The following AGBL4 variants were observed in gnomAD, a reference collection of about 807,000 sequenced individuals.
The protein encoded by AGBL4 is cytosolic carboxypeptidase 6.
AGBL4 carries 58 observed loss-of-function variants against 66.4 expected under a neutral mutation model. The observed-to-expected ratio is 0.87, with a 90% CI of 0.71 to 1.09. AGBL4 has a LOEUF of 1.09. AGBL4 is among the 50% of genes least tolerant of loss of function. The pLI is 0.00. For missense variants in AGBL4, 579 were observed against 631.0 expected, an observed-to-expected ratio of 0.92 and a Z score of 0.88; for synonymous variants, 234 against 222.9, an observed-to-expected ratio of 1.05 and a Z score of -0.44.
chr1:48,981,453 G>A lies in AGBL4; in HGVS notation c.594+64131C>T, dbSNP rs372332371. On this transcript the variant is annotated intron_variant, in intron 5 of 13. Transcript: ENST00000371839. ...TATGTAGAGGAAAAAAAATTGAGAA[G>A]CAAAAAAAGTATGTACCACATACAG... Among the ~76,000 whole-genome samples, 52 of 152,222 alleles carry A rather than the reference G, an allele frequency of 3.4e-4. No individual in the cohort carries two copies. The East Asian group carries it at 9.3e-3, about 27-fold the overall frequency.
At chr1:49,640,863 G>A (rs549606809) in intron 3 of AGBL4, among the ~76,000 whole-genome samples, 1 of 152,236 alleles carries the variant, frequency 6.6e-6, no homozygotes, top group African/African-American at 2.4e-5. Context: ...TATTTGTACA[G>A]TGATTTAGAT....
intron 3 of AGBL4, among the ~76,000 whole-genome samples, chr1:49,670,371 T>C (rs536801179): frequency 6.6e-6 from 1 of 152,300 alleles, no homozygotes; most frequent in South Asian, 2.1e-4. Flanking sequence ...CAATAGCCCA[T>C]GATTCTGTAA....
At chr1:49,701,337 G>C (rs1571357670) in intron 2 of AGBL4, among the ~76,000 whole-genome samples, 1 of 151,990 alleles carries the variant, frequency 6.6e-6, no homozygotes, top group East Asian at 1.9e-4. Context: ...TGCTAAGAGA[G>C]TAGATCTTAT....
intron 3 of AGBL4, among the ~76,000 whole-genome samples, chr1:49,694,069 T>A (rs1646937885): frequency 6.6e-6 from 1 of 152,186 alleles, no homozygotes; most frequent in Admixed American, 6.5e-5. Context: ...AAGCTAGACC[T>A]GTTTATACAA....
chr1:48,910,642 G>A (rs1449159690), intron 5 of AGBL4, among the ~76,000 whole-genome samples: 1 of 147,310 alleles, frequency 6.8e-6, no homozygotes, highest in African/African-American at 2.7e-5. Context: ...TGACAGTTCT[G>A]ACAGGCTTTT....
intron 3 of AGBL4, among the ~76,000 whole-genome samples, chr1:49,407,009 G>C (rs920829770): frequency 7.2e-6 from 1 of 138,778 alleles, no homozygotes; most frequent in African/African-American, 2.8e-5. Context: ...AGCTTGCAGT[G>C]AGCCGAGATA....
intron 6 of AGBL4, among the ~76,000 whole-genome samples, chr1:48,731,027 T>G (rs1648040955): frequency 6.6e-6 from 1 of 152,140 alleles, no homozygotes. Flanking sequence ...TATTTTAAAA[T>G]CAAAGAGAAG....
chr1:48,932,999 T>C (rs1655161140), intron 5 of AGBL4, among the ~76,000 whole-genome samples: 1 of 152,164 alleles, frequency 6.6e-6, no homozygotes, highest in Non-Finnish European at 1.5e-5. Context: ...CTTTACTATT[T>C]TTTTCCTTTT....
intron 5 of AGBL4, among the ~76,000 whole-genome samples, chr1:48,992,819 A>G (rs998023941): frequency 6.6e-6 from 1 of 151,982 alleles, no homozygotes; most frequent in African/African-American, 2.4e-5. Context: ...CCCAAACCCA[A>G]GGGCTCTTCA....
intron 3 of AGBL4, among the ~76,000 whole-genome samples, chr1:49,678,372 TTTTTC>T (rs1409695569): frequency 6.6e-6 from 1 of 152,100 alleles, no homozygotes; most frequent in Non-Finnish European, 1.5e-5. Context: ...ATACTGCAGG[TTTTTC>T]TTTTATCATT....
chr1:49,891,024 AT>A (rs1185553378), intron 1 of AGBL4, among the ~76,000 whole-genome samples: 1 of 152,210 alleles, frequency 6.6e-6, no homozygotes, highest in Admixed American at 6.5e-5. Flanking sequence ...ACTACTTTAG[AT>A]AAGATGGTAG....
chr1:49,446,285 CA>C (rs1311273156), intron 3 of AGBL4, among the ~76,000 whole-genome samples: 5 of 152,154 alleles, frequency 3.3e-5, no homozygotes, highest in Non-Finnish European at 7.3e-5. Context: ...TTATTATCTG[CA>C]AACCTTGTGT....
Position 49,348,349 on chromosome 1 carries a change from C to T in AGBL4, c.283-102485G>A, listed in dbSNP as rs959116976. Among the ~76,000 whole-genome samples the T allele has an allele frequency of 1.1e-4, 16 of 151,960 alleles. No individual in the cohort carries two copies. In the East Asian group the frequency reaches 1.4e-3, roughly 13 times the overall value. ...AGGAGAATGGCATGAACCCGGGAGG[C>T]GGAGCTTTCAGCAGTGAGCTGAAAT... On this transcript the variant is annotated intron_variant, in intron 3 of 13. Transcript: ENST00000371839.
chr1:50,014,960 T>A (rs181772617), intron 1 of AGBL4, among the ~76,000 whole-genome samples: 23 of 152,296 alleles, frequency 1.5e-4, no homozygotes, highest in Admixed American at 1.2e-3. Context: ...AATCTATGAC[T>A]CCAGAAATGT....
intron 2 of AGBL4, among the ~76,000 whole-genome samples, chr1:49,745,398 ATTAG>A (rs1403992679): frequency 1.3e-5 from 2 of 151,990 alleles, no homozygotes; most frequent in Non-Finnish European, 2.9e-5. Context: ...CTATTTTATT[ATTAG>A]TTATTGTTCT....
intron 4 of AGBL4, among the ~76,000 whole-genome samples, chr1:49,085,259 A>G (rs1644884258): frequency 7.5e-6 from 1 of 132,902 alleles, no homozygotes; most frequent in South Asian, 2.5e-4. Flanking sequence ...TTAGACTGGG[A>G]CTTTCATCAT....
chr1:49,736,342 CTTTTT>C (rs1649889386), intron 2 of AGBL4, among the ~76,000 whole-genome samples: 2 of 151,542 alleles, frequency 1.3e-5, no homozygotes, highest in African/African-American at 4.8e-5. Flanking sequence ...AATTTCTTTT[CTTTTT>C]TGTCTTAAAA....
intron 3 of AGBL4, among the ~76,000 whole-genome samples, chr1:49,530,338 C>T (rs753739438): frequency 2.5e-4 from 36 of 141,738 alleles, no homozygotes; most frequent in African/African-American, 7.3e-4. Context: ...ATGTGCACAA[C>T]GTGCAGGTTT....
rs368708265 is a variant in AGBL4, at chr1:49,849,597, G to C, written c.157+1799C>G. 2.4e-4 allele frequency among the ~76,000 whole-genome samples: 36 copies of C among 151,826 alleles called. 1 individual carries two copies. The highest frequency in any genetic ancestry group is 8.7e-4 in the African/African-American group (36 of 41,434). ...TTGTCAAGCCAAGATTTGAACCACA[G>C]CCTGAACCAATATCTGTCCACTTAA... On this transcript the variant is annotated intron_variant, in intron 2 of 13. Coordinates refer to ENST00000371839, the MANE Select transcript of AGBL4 (RefSeq NM_032785.4).
Sources: allele counts gnomAD v4.1 joint callset (sites outside exome capture counted in the v4.1 genomes callset), GRCh38; gene constraint gnomAD v4.1.1; transcripts MANE v1.5; gene names NCBI Gene and HGNC (gene_info 2026-07-23, HGNC 2026-07-21).